Variants in PLEKHA6 observed in about 807,000 individuals in gnomAD.
PLEKHA6 encodes pleckstrin homology domain-containing family A member 6.
In PLEKHA6, 60 loss-of-function variants were observed where a neutral mutation model predicts 116.7. That is an observed-to-expected ratio of 0.51 (90% CI 0.42 to 0.64). PLEKHA6 has a LOEUF of 0.64. Ranked by LOEUF, PLEKHA6 falls within the 30% of genes least tolerant of loss-of-function variation. PLEKHA6 has a pLI of 0.00. For missense variants in PLEKHA6, 1,338 were observed against 1,422.7 expected (o/e 0.94, Z 0.96); for synonymous variants, 489 against 556.1 (o/e 0.88, Z 1.70).
chr1:204,242,209 C>G (rs1164551915), intron 15 of PLEKHA6, among the ~76,000 whole-genome samples: 1 of 152,116 alleles, frequency 6.6e-6, no homozygotes, highest in African/African-American at 2.4e-5. Flanking sequence ...GGCCTTGGTA[C>G]CAGGATTCTA....
At chr1:204,246,026 T>A (rs1663615862) in intron 13 of PLEKHA6, among the ~76,000 whole-genome samples, 1 of 152,162 alleles carries the variant, frequency 6.6e-6, no homozygotes, top group Admixed American at 6.5e-5. Flanking sequence ...GGTTTTCGAG[T>A]GAATGCCCAT....
rs371519972 is a variant in PLEKHA6 at position 204,270,517 on chromosome 1, C to A, written c.103-2205G>T. On this transcript the variant is annotated intron_variant, in intron 3 of 22. Coordinates refer to ENST00000272203, the MANE Select transcript of PLEKHA6 (RefSeq NM_014935.5). ...ACCATGAGCCACCTAGCCACCCACC[C>A]CAGAACTCCACGTTATCTTACATAG... Among the ~76,000 whole-genome samples the A allele has an allele frequency of 3.9e-5, 6 of 152,284 alleles. No homozygotes were observed. The East Asian group carries it at 7.7e-4, about 20-fold the overall frequency.
At chr1:204,264,913 C>T (rs748685597) in intron 6 of PLEKHA6, 29 bp downstream of exon 6, 3 of 1,488,878 alleles carry the variant, frequency 2.0e-6, no homozygotes, top group South Asian at 2.3e-5. Context: ...TCCTTCCCCA[C>T]CTGCCCTGGG....
At chr1:204,287,637 G>A (rs563202214) in intron 1 of PLEKHA6, among the ~76,000 whole-genome samples, 1 of 152,244 alleles carries the variant, frequency 6.6e-6, no homozygotes, top group South Asian at 2.1e-4. Flanking sequence ...TAAGTAAAAG[G>A]ATAAAACCAG....
intron 5 of PLEKHA6, among the ~76,000 whole-genome samples, chr1:204,266,506 G>C (rs572798160): frequency 6.6e-6 from 1 of 152,134 alleles, no homozygotes; most frequent in Non-Finnish European, 1.5e-5. Flanking sequence ...TCAGCACCTC[G>C]GTCCTGGGCC....
chr1:204,236,793 C>A (rs1376923783), intron 17 of PLEKHA6, among the ~76,000 whole-genome samples: 2 of 152,122 alleles, frequency 1.3e-5, no homozygotes, highest in Non-Finnish European at 2.9e-5. Context: ...GCTTCCAAGT[C>A]AAATGGGCAA....
At chr1:204,227,466 C>G (rs1660518474) in intron 21 of PLEKHA6, among the ~76,000 whole-genome samples, 1 of 152,210 alleles carries the variant, frequency 6.6e-6, no homozygotes, top group Non-Finnish European at 1.5e-5. Context: ...TGAGTAGAAG[C>G]TGACCCTGTT....
chr1:204,272,189 T>G (rs1428325132), intron 3 of PLEKHA6, among the ~76,000 whole-genome samples: 3 of 152,190 alleles, frequency 2.0e-5, no homozygotes, highest in African/African-American at 4.8e-5. Context: ...GGACATCATG[T>G]GAGAGTCTCT....
intron 3 of PLEKHA6, among the ~76,000 whole-genome samples, chr1:204,366,073 C>A (rs1217247329): frequency 6.6e-6 from 1 of 152,164 alleles, no homozygotes; most frequent in Non-Finnish European, 1.5e-5. Flanking sequence ...GCAGCACAGC[C>A]AGCCAGTCAT....
intron 9 of PLEKHA6, chr1:204,251,412 G>A (rs1350745876): frequency 1.6e-6 from 1 of 614,524 alleles, no homozygotes; most frequent in East Asian, 2.8e-5. Context: ...GGCCAAGCCT[G>A]TCTCCAGGCA....
rs564927199 is a variant in PLEKHA6, at chr1:204,330,727, G to A, written c.-95+28967C>T. Among the ~76,000 whole-genome samples the A allele has an allele frequency of 6.6e-5, 10 of 151,314 alleles. 1 individual carries two copies. The highest frequency in any genetic ancestry group is 4.2e-4 in the South Asian group (2 of 4,738). ...TGACAGAGGTAGAGCCAGTGCTACC[G>A]AAGAGGAAGCAGCCCTCCCAAGGCC... On this transcript the variant is annotated intron_variant, in intron 1 of 22. Coordinates refer to ENST00000272203, the MANE Select transcript of PLEKHA6 (RefSeq NM_014935.5).
intron 1 of PLEKHA6, among the ~76,000 whole-genome samples, chr1:204,349,637 G>A (rs1025157361): frequency 6.6e-6 from 1 of 152,026 alleles, no homozygotes; most frequent in African/African-American, 2.4e-5. Flanking sequence ...CTGTGGACCT[G>A]AGCAACAGAG....
intron 1 of PLEKHA6, among the ~76,000 whole-genome samples, chr1:204,341,497 A>AC (rs1207215812): frequency 1.3e-5 from 2 of 152,166 alleles, no homozygotes; most frequent in African/African-American, 4.8e-5. Context: ...AGGAGCTATA[A>AC]CCAGTTCATC....
chr1:204,324,102 T>C (rs1672159143), intron 1 of PLEKHA6, among the ~76,000 whole-genome samples: 1 of 152,142 alleles, frequency 6.6e-6, no homozygotes, highest in African/African-American at 2.4e-5. Context: ...GAGTCACTCC[T>C]AGCTATGATG....
rs909843295 is a variant in PLEKHA6 at position 204,359,763 on chromosome 1, A to C, written c.-164T>G. On this transcript the variant is annotated 5_prime_UTR_variant, in exon 1 of 23. Transcript: ENST00000272203. The stretch of plus-strand genomic sequence containing the variant: ...CGAGCCCCAAGGCACCCCTCCCCCC[A>C]GCTCAGGCCAGCTGGGGTCCTCCTC... 1.1e-6 allele frequency: 1 copy of C among 914,304 alleles called. No individual in the cohort carries two copies. Among genetic ancestry groups the C allele is most frequent in the Non-Finnish European group, 1.3e-6 (1 of 764,688 alleles). The allele number at this position is 914,304 out of a possible 1,614,324, so 56.6% of individuals were successfully genotyped here.
In PLEKHA6 at chr1:204,223,317, A is replaced by G. The variant is rs1387081568; in HGVS notation, c.*8+145T>C. The G allele has an allele frequency of 1.6e-6, 1 of 643,592 alleles. No homozygotes were observed. The highest frequency in any genetic ancestry group is 1.8e-5 in the African/African-American group (1 of 54,812). 39.9% of individuals were successfully genotyped at this position (643,592 alleles called of 1,614,324 possible). On this transcript the variant is annotated intron_variant, in intron 22 of 22. Transcript: ENST00000272203. This position sits in a 1 kb window ranked among gnomAD's most constrained non-coding sequence, Gnocchi z 4.8. Reference sequence around the variant, plus strand: ...GCTGGATGGACGGATGGATGGATGAATGGATGGATAGTGGGGAGGAGCAGC... The same window carrying G: ...GCTGGATGGACGGATGGATGGATGAGTGGATGGATAGTGGGGAGGAGCAGC...
intron 17 of PLEKHA6, among the ~76,000 whole-genome samples, chr1:204,231,046 C>T (rs1218445398): frequency 6.6e-6 from 1 of 152,226 alleles, no homozygotes; most frequent in East Asian, 1.9e-4. Flanking sequence ...AGAGCATACA[C>T]TTCTACTGTT....
chr1:204,337,342 G>A (rs57417255), intron 1 of PLEKHA6, among the ~76,000 whole-genome samples: 15,254 of 152,118 alleles, frequency 0.1, 1,776 homozygotes, highest in African/African-American at 0.28. Flanking sequence ...GACATAAATT[G>A]TAGCTCTCCC....
chr1:204,338,220 T>C (rs925811731), intron 1 of PLEKHA6, among the ~76,000 whole-genome samples: 14 of 152,294 alleles, frequency 9.2e-5, no homozygotes, highest in Non-Finnish European at 2.9e-5. Flanking sequence ...CTCTATAAAA[T>C]AGGAATGCTG....
Sources: gnomAD v4.1 joint callset for allele counts (sites outside exome capture counted in the v4.1 genomes callset) on GRCh38, gnomAD v4.1.1 for gene constraint, Gnocchi (gnomAD v3.1) non-coding constraint, MANE v1.5 for transcripts, NCBI Gene and HGNC (gene_info 2026-07-23, HGNC 2026-07-21) for gene names.